Variants in DPY19L2 observed in about 807,000 individuals in gnomAD.
DPY19L2 encodes the protein probable C-mannosyltransferase DPY19L2.
DPY19L2 carries 34 observed loss-of-function variants against 97.9 expected under a neutral mutation model. The ratio of observed to expected loss-of-function variants is 0.35; its 90% CI spans 0.26 to 0.46. The LOEUF is 0.46. DPY19L2 is among the 20% of genes least tolerant of loss of function. DPY19L2 has a pLI of 1.00. For synonymous variants in DPY19L2, 230 were observed against 307.9 expected (o/e 0.75, Z 2.65); for missense variants, 623 against 911.4 (o/e 0.68, Z 4.07).
intron 6 of DPY19L2, among the ~76,000 whole-genome samples, chr12:63,631,688 G>T (rs895470962): frequency 2.6e-5 from 4 of 152,128 alleles, no homozygotes; most frequent in African/African-American, 7.2e-5. Context: ...AATAGAAAAA[G>T]AGGGAATCCT....
At chr12:63,628,871 C>G (rs1399989622) in intron 6 of DPY19L2, among the ~76,000 whole-genome samples, 1 of 151,200 alleles carries the variant, frequency 6.6e-6, no homozygotes, top group African/African-American at 2.4e-5. Flanking sequence ...GACAAAATTT[C>G]CAGAGGAATG....
At chr12:63,592,712 T>G (rs1301426487) in intron 16 of DPY19L2, among the ~76,000 whole-genome samples, 1 of 148,474 alleles carries the variant, frequency 6.7e-6, no homozygotes. Context: ...GCATTACCAT[T>G]CAGGACATAG....
chr12:63,662,835 G>A (rs893086646), intron 3 of DPY19L2, among the ~76,000 whole-genome samples: 2 of 152,106 alleles, frequency 1.3e-5, no homozygotes, highest in African/African-American at 4.8e-5. Flanking sequence ...AAACTTTATA[G>A]GGGCAATATA....
chr12:63,561,708 T>G (rs1876551598), intron 21 of DPY19L2, among the ~76,000 whole-genome samples: 1 of 151,298 alleles, frequency 6.6e-6, no homozygotes, highest in South Asian at 2.1e-4. Context: ...TGTTTTGAGT[T>G]TTTGGTGACC....
chr12:63,579,565 C>A (rs1689541507), intron 19 of DPY19L2, among the ~76,000 whole-genome samples: 1 of 152,022 alleles, frequency 6.6e-6, no homozygotes, highest in Admixed American at 6.6e-5. Flanking sequence ...GAACCCAATA[C>A]AAACACTGGA....
intron 19 of DPY19L2, among the ~76,000 whole-genome samples, chr12:63,575,413 G>A (rs2137318031): frequency 1.3e-5 from 2 of 151,654 alleles, no homozygotes; most frequent in East Asian, 3.9e-4. Context: ...TAAAAAACTA[G>A]AAAAGGGCAA....
At chr12:63,610,838 T>C (rs1295380670) in intron 11 of DPY19L2, among the ~76,000 whole-genome samples, 2 of 4,678 alleles carry the variant, frequency 4.3e-4, no homozygotes, top group Non-Finnish European at 1.1e-3. Flanking sequence ...CTGATGAATA[T>C]AGCAAAAAAA....
At chr12:63,625,988 T>C (rs1356596727) in intron 7 of DPY19L2, among the ~76,000 whole-genome samples, 2 of 148,238 alleles carry the variant, frequency 1.3e-5, no homozygotes, top group Non-Finnish European at 3.0e-5. Flanking sequence ...AATTTTATAA[T>C]TTATAAAATA....
At chr12:63,611,617 A>G (rs576810670) in intron 11 of DPY19L2, among the ~76,000 whole-genome samples, 1 of 152,210 alleles carries the variant, frequency 6.6e-6, no homozygotes, top group East Asian at 1.9e-4. Flanking sequence ...GAACTTTTAG[A>G]TATGAAAACT....
chr12:63,635,030 C>A (rs890812188), intron 6 of DPY19L2, among the ~76,000 whole-genome samples: 1 of 152,198 alleles, frequency 6.6e-6, no homozygotes. Context: ...GAGGCACCCC[C>A]CAGTAGGGGC....
chr12:63,661,200 A>G, intron 4 of DPY19L2, 144 bp downstream of exon 4: 1 of 754,166 alleles, frequency 1.3e-6, no homozygotes, highest in Non-Finnish European at 1.9e-6. Flanking sequence ...AGAGGAACTT[A>G]TGATATTCTA....
chr12:63,579,686 T>C (rs1443651100), intron 19 of DPY19L2, among the ~76,000 whole-genome samples: 1 of 152,136 alleles, frequency 6.6e-6, no homozygotes, highest in Non-Finnish European at 1.5e-5. Context: ...AGTGATTACC[T>C]TGAGCTCCTA....
intron 6 of DPY19L2, among the ~76,000 whole-genome samples, chr12:63,636,890 A>G (rs1891812387): frequency 6.6e-6 from 1 of 152,142 alleles, no homozygotes; most frequent in Non-Finnish European, 1.5e-5. Flanking sequence ...ACAGAAAGTT[A>G]ACAAGGATAT....
chr12:63,636,151 C>G (rs1354138809), intron 6 of DPY19L2, among the ~76,000 whole-genome samples: 1 of 152,024 alleles, frequency 6.6e-6, no homozygotes, highest in African/African-American at 2.4e-5. Context: ...GAATTTTCAA[C>G]CCAGAATTTC....
At chr12:63,593,927 A>G (rs1883642250) in intron 16 of DPY19L2, among the ~76,000 whole-genome samples, 160 bp downstream of exon 16, 1 of 152,162 alleles carries the variant, frequency 6.6e-6, no homozygotes, top group Non-Finnish European at 1.5e-5. Flanking sequence ...AGAAATCTGT[A>G]AGAATAATAT....
intron 6 of DPY19L2, among the ~76,000 whole-genome samples, chr12:63,638,569 C>A (rs1166893864): frequency 6.6e-6 from 1 of 151,314 alleles, no homozygotes; most frequent in Non-Finnish European, 1.5e-5. Flanking sequence ...CACTAATAGA[C>A]AAACAGAGAG....
At chr12:63,605,369 G>A (rs1885864996) in intron 12 of DPY19L2, among the ~76,000 whole-genome samples, 1 of 152,132 alleles carries the variant, frequency 6.6e-6, no homozygotes, top group African/African-American at 2.4e-5. Context: ...GCATTTCCCT[G>A]GAACCTCTTT....
chr12:63,568,819 T>C (rs1440459758), intron 21 of DPY19L2, among the ~76,000 whole-genome samples: 4 of 152,096 alleles, frequency 2.6e-5, no homozygotes, highest in African/African-American at 4.8e-5. Flanking sequence ...GTTTTCCTTA[T>C]GTCATTTTGG....
chr12:63,577,678 C>T (rs1433292393), intron 19 of DPY19L2, among the ~76,000 whole-genome samples: 1 of 152,058 alleles, frequency 6.6e-6, no homozygotes, highest in African/African-American at 2.4e-5. Context: ...TGAAAAGGTG[C>T]TCAACATCAC....
Sources: allele counts gnomAD v4.1 joint callset (sites outside exome capture counted in the v4.1 genomes callset), GRCh38; gene constraint gnomAD v4.1.1; transcripts MANE v1.5; gene names NCBI Gene and HGNC (gene_info 2026-07-23, HGNC 2026-07-21).